Variants in GLIS3 observed in about 807,000 individuals in gnomAD.
GLIS3 encodes the protein GLIS family zinc finger 3.
GLIS3 carries 53 observed loss-of-function variants against 78.6 expected under a neutral mutation model. That is an observed-to-expected ratio of 0.67 (90% CI 0.54 to 0.85). The LOEUF (loss-of-function observed/expected upper bound fraction) is 0.85. Among genes scored for constraint, GLIS3 ranks in the 40% least tolerant of loss-of-function variants. GLIS3 has a pLI of 0.00. For missense variants in GLIS3, 1,703 were observed against 1,231.1 expected, an observed-to-expected ratio of 1.38 and a Z score of -5.74; for synonymous variants, 684 against 509.9, an observed-to-expected ratio of 1.34 and a Z score of -4.60.
chr9:4,406,925 A>G, the GLIS3 span, among the ~76,000 whole-genome samples: 2 of 152,224 alleles, frequency 1.3e-5, no homozygotes, highest in Non-Finnish European at 2.9e-5. Flanking sequence ...TACATTCTTC[A>G]CAGAAATAGA....
At chr9:3,870,646 G>T (rs148740624) in intron 8 of GLIS3, among the ~76,000 whole-genome samples, 13 of 152,168 alleles carry the variant, frequency 8.5e-5, no homozygotes, top group Non-Finnish European at 1.6e-4. Context: ...ATCAGGTCTC[G>T]TGAGACTTAT....
chr9:3,872,622 C>T (rs780399390), intron 8 of GLIS3, among the ~76,000 whole-genome samples: 42 of 152,172 alleles, frequency 2.8e-4, no homozygotes, highest in Non-Finnish European at 5.3e-4. Flanking sequence ...ACCAAGACAA[C>T]AGTATGGGGG....
chr9:4,408,119 T>C, the GLIS3 span, among the ~76,000 whole-genome samples: 1 of 152,034 alleles, frequency 6.6e-6, no homozygotes, highest in Non-Finnish European at 1.5e-5. Flanking sequence ...CAATAACAAA[T>C]GCTAGCAAGA....
At chr9:4,488,861 C>T in the GLIS3 span, among the ~76,000 whole-genome samples, 2 of 151,728 alleles carry the variant, frequency 1.3e-5, no homozygotes, top group Non-Finnish European at 2.9e-5. Context: ...CATTTCCTTC[C>T]TTCTTTCTTT....
the GLIS3 span, among the ~76,000 whole-genome samples, chr9:4,376,088 G>A: frequency 2.3e-4 from 35 of 152,214 alleles, no homozygotes; most frequent in Non-Finnish European, 3.7e-4. Context: ...CCTTATGATC[G>A]TTCAGAACAG....
At chr9:3,840,657 G>A (rs1211172244) in intron 9 of GLIS3, among the ~76,000 whole-genome samples, 3 of 152,212 alleles carry the variant, frequency 2.0e-5, no homozygotes, top group African/African-American at 7.2e-5. Context: ...ACCCATGACA[G>A]TGGTTCAAAA....
At chr9:4,187,138 T>G (rs577953965) in intron 2 of GLIS3, among the ~76,000 whole-genome samples, 3 of 152,346 alleles carry the variant, frequency 2.0e-5, no homozygotes, top group Admixed American at 2.0e-4. Flanking sequence ...GGTCTAACGT[T>G]TAAGTCTTTA....
intron 2 of GLIS3, among the ~76,000 whole-genome samples, chr9:4,334,272 G>A (rs967038485): frequency 6.6e-6 from 1 of 152,170 alleles, no homozygotes; most frequent in Non-Finnish European, 1.5e-5. Flanking sequence ...GGAGCTTTCT[G>A]GATATAACAT....
At chr9:4,465,355 C>T in the GLIS3 span, among the ~76,000 whole-genome samples, 1 of 152,228 alleles carries the variant, frequency 6.6e-6, no homozygotes, top group African/African-American at 2.4e-5. Flanking sequence ...CGAGACCAGC[C>T]TGGCCAACGT....
At chr9:3,938,108 A>G (rs961429584) in intron 4 of GLIS3, among the ~76,000 whole-genome samples, 5 of 152,232 alleles carry the variant, frequency 3.3e-5, no homozygotes, top group African/African-American at 1.2e-4. Flanking sequence ...AAGCCTAGAA[A>G]TGAAGCATAA....
At chr9:3,867,176 A>C (rs1820641241) in intron 8 of GLIS3, among the ~76,000 whole-genome samples, 1 of 152,228 alleles carries the variant, frequency 6.6e-6, no homozygotes, top group African/African-American at 2.4e-5. Flanking sequence ...ATTAGACTGA[A>C]AATTATGTTC....
chr9:4,363,022 A>C, the GLIS3 span, among the ~76,000 whole-genome samples: 1 of 152,160 alleles, frequency 6.6e-6, no homozygotes, highest in Non-Finnish European at 1.5e-5. Context: ...AGAAGTGAAC[A>C]CTGGTCCATT....
Position 4,267,879 on chromosome 9 carries a change from G to C in GLIS3, c.388+18159C>G, listed in dbSNP as rs543043857. Among the ~76,000 whole-genome samples, 5 of 152,046 alleles carry C rather than the reference G, an allele frequency of 3.3e-5. No homozygotes were observed. In the East Asian group the frequency reaches 7.7e-4, roughly 23 times the overall value. ...TTCTACTAGGTACATCATTGCTAAA[G>C]AAATAAATAGATTTGCTATCCAGAC... On this transcript the variant is annotated intron_variant, in intron 2 of 10. Transcript: ENST00000381971.
chr9:4,084,295 A>ACACACACACACACACACACACACAC (rs777071830), intron 4 of GLIS3, among the ~76,000 whole-genome samples: 3 of 87,556 alleles, frequency 3.4e-5, no homozygotes, highest in Non-Finnish European at 5.5e-5. Flanking sequence ...ACACACACAC[A>ACACACACACACACACACACACACAC]AATTCCTAGC....
At chr9:4,460,015 C>T in the GLIS3 span, among the ~76,000 whole-genome samples, 8 of 152,002 alleles carry the variant, frequency 5.3e-5, no homozygotes, top group African/African-American at 9.7e-5. Context: ...AAGTTTGTGC[C>T]GCTAAAGTGG....
chr9:3,901,363 T>C (rs1344915734), intron 6 of GLIS3: 2 of 152,460 alleles, frequency 1.3e-5, no homozygotes, highest in Non-Finnish European at 2.9e-5. Context: ...GTCAATTTTG[T>C]GCGTCTTTTC....
chr9:4,404,298 G>A, the GLIS3 span, among the ~76,000 whole-genome samples: 1 of 152,130 alleles, frequency 6.6e-6, no homozygotes, highest in South Asian at 2.1e-4. Context: ...CCCACTTTCA[G>A]CATTGCACAG....
intron 2 of GLIS3, among the ~76,000 whole-genome samples, chr9:4,170,384 C>G (rs1226430530): frequency 6.6e-6 from 1 of 151,812 alleles, no homozygotes; most frequent in Non-Finnish European, 1.5e-5. Context: ...GGCTGGTCAA[C>G]AGATCTGCAC....
chr9:4,236,204 A>AAAAAAAAAAAAAAAAAAAAAAAAAG (rs536737911), intron 2 of GLIS3, among the ~76,000 whole-genome samples: 23 of 86,336 alleles, frequency 2.7e-4, no homozygotes, highest in East Asian at 4.5e-4. Context: ...AAAAAAAAAA[A>AAAAAAAAAAAAAAAAAAAAAAAAAG]AAAGAAAGAA....
Sources: allele counts gnomAD v4.1 joint callset (sites outside exome capture counted in the v4.1 genomes callset), GRCh38; gene constraint gnomAD v4.1.1; transcripts MANE v1.5; gene names NCBI Gene and HGNC (gene_info 2026-07-23, HGNC 2026-07-21).